ZNF837: variants seen among roughly 807,000 people sequenced by gnomAD.
ZNF837 encodes the protein zinc finger protein 837.
For missense variants in ZNF837, 955 were observed against 801.7 expected (o/e 1.19, Z -2.31); for synonymous variants, 475 against 365.2 (o/e 1.30, Z -3.43).
chr19:58,372,433 C>CGG lies in ZNF837; in HGVS notation c.-139-2507_-139-2506dup, dbSNP rs34146307. 3.0e-3 allele frequency among the ~76,000 whole-genome samples: 450 copies of CGG among 151,610 alleles called. 3 individuals carry two copies. The highest frequency in any genetic ancestry group is 5.9e-3 in the African/African-American group (242 of 41,340). On this transcript the variant is annotated intron_variant, in intron 1 of 2. Coordinates refer to ENST00000597582, the MANE Select transcript of ZNF837 (RefSeq NM_138466.2). ...CTGTAATCCCAACACTTGGGGAGTC[C>CGG]GGGGGGGGCGGATCACGAGGTCAAG...
In ZNF837 at chr19:58,367,743, C is replaced by T; in HGVS notation, c.1590G>A (p.Ala530=). ...GACTCTCGGCTCCCTGCAGTCAAGGCGCGGCGCGGCCCCCGTGCCGCTTCC... is the reference window on the plus strand; with the variant it reads ...GACTCTCGGCTCCCTGCAGTCAAGGTGCGGCGCGGCCCCCGTGCCGCTTCC... The part of the protein sequence containing the change: ...EHRKRHGGRA[A]P The change falls in exon 3 of 3, where the codon GCG becomes GCA. Residue 530 remains alanine, a synonymous_variant. Coordinates refer to ENST00000597582, the MANE Select transcript of ZNF837 (RefSeq NM_138466.2). The T allele has an allele frequency of 1.3e-6, 2 of 1,519,908 alleles. No homozygotes were observed. The highest frequency in any genetic ancestry group is 1.8e-6 in the Non-Finnish European group (2 of 1,140,228). The allele number at this position is 1,519,908 out of a possible 1,614,324, so 94.2% of individuals were successfully genotyped here. A position where few individuals can be genotyped will look rare whatever the true frequency, so the allele number is the denominator to read the frequency against.
chr19:58,380,521 G>A (rs1479289688), intron 1 of ZNF837, among the ~76,000 whole-genome samples: 1 of 152,248 alleles, frequency 6.6e-6, no homozygotes, highest in Non-Finnish European at 1.5e-5. Context: ...TGTGAAGAGG[G>A]GGCATGAAAC....
Position 58,368,352 on chromosome 19 carries a change from C to G in ZNF837, c.981G>C (p.Arg327=). 6.5e-7 allele frequency: 1 copy of G among 1,527,270 alleles called. No individual in the cohort carries two copies. Among genetic ancestry groups the G allele is most frequent in the African/African-American group, 1.4e-5 (1 of 71,606 alleles). The allele number at this position is 1,527,270 out of a possible 1,614,324, so 94.6% of individuals were successfully genotyped here. The change falls in exon 3 of 3, where the codon CGG becomes CGC. Residue 327 remains arginine (R), a synonymous_variant. Coordinates refer to ENST00000597582, the MANE Select transcript of ZNF837 (RefSeq NM_138466.2). ...CGCGCCGCGCCAGGACGGGGCCACG[C>G]CGGTGGCGCTCGGCCGAGTGCGTCT... The part of the protein sequence containing the change: ...HQKTHSAERH[R]RGPVLARRAF...
intron 1 of ZNF837, among the ~76,000 whole-genome samples, chr19:58,370,992 A>G (rs1002073912): frequency 2.0e-5 from 3 of 152,006 alleles, no homozygotes; most frequent in Admixed American, 6.6e-5. Flanking sequence ...CTGTAATCCC[A>G]GCACTTTGGG....
In ZNF837 at chr19:58,369,095, G is replaced by A; in HGVS notation, c.238C>T (p.His80Tyr). 2 of 1,509,326 alleles carry A rather than the reference G, an allele frequency of 1.3e-6. No individual in the cohort carries two copies. Among genetic ancestry groups the A allele is most frequent in the Non-Finnish European group, 1.8e-6 (2 of 1,129,246 alleles). The allele number at this position is 1,509,326 out of a possible 1,614,324, so 93.5% of individuals were successfully genotyped here. Residue 80 changes from histidine to tyrosine, a missense_variant, in exon 3 of 3, where the codon CAC (histidine) becomes TAC (tyrosine). Transcript: ENST00000597582. Reference sequence around the variant, plus strand: ...ACGAGGGGTCTGGTCCCGGCGCTGTGCCGGGTCCCCGGGCCGGGGCTCACC... The same window carrying A: ...ACGAGGGGTCTGGTCCCGGCGCTGTACCGGGTCCCCGGGCCGGGGCTCACC... Reference protein sequence around the residue: ...LGVSPGPGTRHSAGTRPLVRE... With the variant: ...LGVSPGPGTRYSAGTRPLVRE...
chr19:58,368,381 G>T lies in ZNF837; in HGVS notation c.952C>A (p.Gln318Lys). The change falls in exon 3 of 3, where the codon CAG (glutamine) becomes AAG (lysine). Residue 318 changes from glutamine to lysine, a missense_variant. By Grantham distance (53) the Gln-to-Lys change is moderately conservative. Transcript: ENST00000597582. Reference sequence around the variant, plus strand: ...TGGCGCTCGGCCGAGTGCGTCTTCTGGTGGCGGTACAGGCCGGAGCAGCGC... The same window carrying T: ...TGGCGCTCGGCCGAGTGCGTCTTCTTGTGGCGGTACAGGCCGGAGCAGCGC... ...FVRCSGLYRH[Q>K]KTHSAERHRR... 1 of 1,536,348 alleles carries T rather than the reference G, an allele frequency of 6.5e-7. No homozygotes were observed. The highest frequency in any genetic ancestry group is 8.7e-7 in the Non-Finnish European group (1 of 1,144,674).
chr19:58,375,270 GTATATATATATA>G (rs58582835), intron 1 of ZNF837, among the ~76,000 whole-genome samples: 587 of 34,858 alleles, frequency 0.017, 48 homozygotes, highest in Middle Eastern at 0.059. Context: ...AAAAAAAAAA[GTATATATATATA>G]TATATATATA....
At chr19:58,369,426 C>T (rs1346328904) in intron 2 of ZNF837, 65 bp from the exon 3 acceptor site, 1 of 1,273,442 alleles carries the variant, frequency 7.9e-7, no homozygotes, top group Non-Finnish European at 1.0e-6. Flanking sequence ...AGAACTGGGC[C>T]AACGAGCGAC....
At chr19:58,374,470 C>T (rs2052225440) in intron 1 of ZNF837, among the ~76,000 whole-genome samples, 1 of 152,002 alleles carries the variant, frequency 6.6e-6, no homozygotes, top group Non-Finnish European at 1.5e-5. Context: ...TACGATATAT[C>T]CAGAATAGGC....
chr19:58,375,271 T>TATATAC (rs2052233365), intron 1 of ZNF837, among the ~76,000 whole-genome samples: 3 of 2,176 alleles, frequency 1.4e-3, no homozygotes, highest in South Asian at 0.014. Context: ...AAAAAAAAAG[T>TATATAC]ATATATATAT....
At chr19:58,375,278 A>ATATATATATATATATATG (rs2052233691) in intron 1 of ZNF837, among the ~76,000 whole-genome samples, 1 of 38,700 alleles carries the variant, frequency 2.6e-5, no homozygotes, top group African/African-American at 7.0e-5. Context: ...AAGTATATAT[A>ATATATATATATATATATG]TATATATATA....
rs767353071 is a variant in ZNF837, at chr19:58,368,121, C to T, written c.1212G>A (p.Ser404=). Residue 404 remains serine, a synonymous_variant, in exon 3 of 3, where the codon TCG becomes TCA. Coordinates refer to ENST00000597582, the MANE Select transcript of ZNF837 (RefSeq NM_138466.2). ...GAGTGCGCTGGTGCCGGCTCAGGTT[C>T]GAGCGCTGGTTGAAGGCCTTGCCGC... ...PECGKAFNQR[S]NLSRHQRTHS... 5.7e-6 allele frequency: 9 copies of T among 1,570,036 alleles called. No homozygotes were observed. The South Asian group carries it at 1.0e-4, about 18-fold the overall frequency.
intron 1 of ZNF837, among the ~76,000 whole-genome samples, chr19:58,375,270 G>GTGTATATA: frequency 2.9e-5 from 1 of 34,868 alleles, no homozygotes; most frequent in African/African-American, 9.6e-5. Flanking sequence ...AAAAAAAAAA[G>GTGTATATA]TATATATATA....
chr19:58,375,308 AT>A (rs1568568392), intron 1 of ZNF837, among the ~76,000 whole-genome samples: 12 of 44,150 alleles, frequency 2.7e-4, no homozygotes, highest in African/African-American at 5.4e-4. Context: ...ATATATATAT[AT>A]ATAAAATTAC....
At position 58,368,536 on chromosome 19, in the gene ZNF837, G is replaced by A. The variant is rs1468637401; in HGVS notation, c.797C>T (p.Pro266Leu). 4 of 1,538,308 alleles carry A rather than the reference G, an allele frequency of 2.6e-6. No homozygotes were observed. The highest frequency in any genetic ancestry group is 1.2e-5 in the South Asian group (1 of 83,330). Residue 266 changes from proline (P) to leucine (L), a missense_variant, in exon 3 of 3, where the codon CCG (proline) becomes CTG (leucine). By Grantham distance (98) the Pro-to-Leu change is moderately conservative. Transcript: ENST00000597582. The stretch of plus-strand genomic sequence containing the variant: ...GTCGCAAGCGTACAGTCGCTGGGCC[G>A]GGGGGTCGGGGACAATAGGGCGAGG... ...SRPRPIVPDP[P>L]AQRLYACDEC... is the part of the protein sequence containing the mutation.
chr19:58,369,262 G>C lies in ZNF837; in HGVS notation c.71C>G (p.Ala24Gly). 7.1e-7 allele frequency: 1 copy of C among 1,410,196 alleles called. No homozygotes were observed. Among genetic ancestry groups the C allele is most frequent in the Non-Finnish European group, 9.2e-7 (1 of 1,087,210 alleles). 87.4% of individuals were successfully genotyped at this position (1,410,196 alleles called of 1,614,324 possible). The change falls in exon 3 of 3, where the codon GCC (alanine) becomes GGC (glycine). Residue 24 changes from alanine to glycine, a missense_variant. Transcript: ENST00000597582. ...PKADAQGASG[A>G]REKRPEEPRP... ...CGGCTCCTCGGGCCTCTTCTCCCGG[G>C]CCCCGGAGGCACCCTGGGCATCGGC...
At chr19:58,376,852 G>C (rs1280156629) in intron 1 of ZNF837, among the ~76,000 whole-genome samples, 2 of 151,724 alleles carry the variant, frequency 1.3e-5, no homozygotes, top group Non-Finnish European at 2.9e-5. Context: ...AGCCAAGGTG[G>C]GTGGATGGCT....
intron 1 of ZNF837, among the ~76,000 whole-genome samples, chr19:58,378,444 GGCATGA>G (rs1345628106): frequency 6.6e-5 from 10 of 152,212 alleles, no homozygotes; most frequent in African/African-American, 2.4e-4. Flanking sequence ...AACAGCTGGT[GGCATGA>G]GCAGGGCTAG....
In ZNF837 at chr19:58,368,800, G is replaced by A; in HGVS notation, c.533C>T (p.Thr178Ile). 6.5e-7 allele frequency: 1 copy of A among 1,545,254 alleles called. No individual in the cohort carries two copies. The highest frequency in any genetic ancestry group is 1.2e-5 in the South Asian group (1 of 84,042). Residue 178 changes from threonine to isoleucine, a missense_variant, in exon 3 of 3, where the codon ACC (threonine) becomes ATC (isoleucine). Coordinates refer to ENST00000597582, the MANE Select transcript of ZNF837 (RefSeq NM_138466.2). ...GGTCGGCTTTGGGGTCCTCGGGCAG[G>A]TCGGAGCGCCAGTCCCTGGTTGGCA... ...WPCQPGTGAP[T>I]CPRTPKPTSR...
Sources: gnomAD v4.1 joint callset for allele counts (sites outside exome capture counted in the v4.1 genomes callset) on GRCh38, gnomAD v4.1.1 for gene constraint, MANE v1.5 for transcripts, NCBI Gene and HGNC (gene_info 2026-07-23, HGNC 2026-07-21) for gene names.